KCNN2: variants seen among roughly 807,000 people sequenced by gnomAD.
KCNN2 encodes potassium calcium-activated channel subfamily N member 2.
A neutral mutation model predicts 55.5 loss-of-function variants in KCNN2; 24 were observed. That is an observed-to-expected ratio of 0.43 (90% CI 0.31 to 0.61). The LOEUF is 0.61. Among genes scored for constraint, KCNN2 ranks in the 20% least tolerant of loss-of-function variants. The pLI is 0.08. For missense variants in KCNN2, 754 were observed against 853.6 expected (o/e 0.88, Z 1.45); for synonymous variants, 431 against 336.1 (o/e 1.28, Z -3.09).
At chr5:114,121,414 C>T (rs1489175349) in intron 1 of KCNN2, among the ~76,000 whole-genome samples, 1 of 152,128 alleles carries the variant, frequency 6.6e-6, no homozygotes, top group Non-Finnish European at 1.5e-5. Flanking sequence ...AGGATGAGCT[C>T]AGGGCCCTGC....
Position 114,495,988 on chromosome 5 carries a change from A to G in KCNN2, c.2182A>G (p.Thr728Ala), listed in dbSNP as rs767293355. The G allele has an allele frequency of 1.9e-6, 3 of 1,613,942 alleles. No individual in the cohort carries two copies. The highest frequency in any genetic ancestry group is 1.6e-4 in the Middle Eastern group (1 of 6,084). Residue 728 changes from threonine (T) to alanine (A), a missense_variant, in exon 8 of 8, where the codon ACT (threonine) becomes GCT (alanine). Transcript: ENST00000673685. ...RIVTLETKLE[T>A]LIGSIHALPG... ...TGTTACCCTGGAAACAAAACTAGAG[A>G]CTTTGATTGGTAGCATCCACGCCCT... is the stretch of plus-strand genomic sequence containing the variant.
At chr5:114,480,708 C>T (rs965916352) in intron 5 of KCNN2, among the ~76,000 whole-genome samples, 22 of 152,096 alleles carry the variant, frequency 1.4e-4, no homozygotes, top group Non-Finnish European at 2.9e-4. Context: ...AAGATTGGTT[C>T]AACATATGCA....
intron 2 of KCNN2, among the ~76,000 whole-genome samples, chr5:114,322,355 A>C (rs1423445985): frequency 6.6e-6 from 1 of 152,228 alleles, no homozygotes; most frequent in African/African-American, 2.4e-5. Context: ...ACTAAAAACT[A>C]GGATTTTTCT....
chr5:114,260,446 A>G (rs755484075), intron 2 of KCNN2, among the ~76,000 whole-genome samples: 1 of 152,048 alleles, frequency 6.6e-6, no homozygotes, highest in Non-Finnish European at 1.5e-5. Context: ...CTTCTTATCA[A>G]TCAGGTCCAA....
intron 2 of KCNN2, among the ~76,000 whole-genome samples, chr5:114,223,161 G>A (rs944015040): frequency 6.6e-6 from 1 of 152,048 alleles, no homozygotes; most frequent in African/African-American, 2.4e-5. Flanking sequence ...CAATACCTGG[G>A]CACAAATACA....
intron 1 of KCNN2, among the ~76,000 whole-genome samples, chr5:114,139,285 A>C (rs1187278736): frequency 6.6e-6 from 1 of 152,044 alleles, no homozygotes; most frequent in African/African-American, 2.4e-5. Flanking sequence ...CATAAGAATA[A>C]ATGATTTGAT....
At chr5:114,117,231 T>C (rs775882761) in intron 1 of KCNN2, among the ~76,000 whole-genome samples, 3 of 152,190 alleles carry the variant, frequency 2.0e-5, no homozygotes, top group Non-Finnish European at 4.4e-5. Flanking sequence ...TGGCCACTTT[T>C]ATACCTGCAT....
chr5:114,275,280 T>A (rs191856893), intron 2 of KCNN2, among the ~76,000 whole-genome samples: 1 of 152,336 alleles, frequency 6.6e-6, no homozygotes, highest in East Asian at 1.9e-4. Flanking sequence ...ATCAGGGATA[T>A]TGGCCTAAAA....
At chr5:114,469,375 C>A (rs927710147) in intron 4 of KCNN2, among the ~76,000 whole-genome samples, 1 of 152,138 alleles carries the variant, frequency 6.6e-6, no homozygotes, top group Non-Finnish European at 1.5e-5. Flanking sequence ...CCTAAATACA[C>A]TGTATTTTCT....
At position 114,269,189 on chromosome 5, in the gene KCNN2, C is replaced by G. The variant is rs143286731; in HGVS notation, c.-185+47624C>G. 1.7e-3 allele frequency among the ~76,000 whole-genome samples: 258 copies of G among 152,222 alleles called. 1 individual carries two copies. Among genetic ancestry groups the G allele is most frequent in the African/African-American group, 5.6e-3 (234 of 41,540 alleles). ...ATGCTGTATTCTATAAGTGTACCAACTAGGTTTCAAATACACAGTTTCCTA... is the reference window on the plus strand; with the variant it reads ...ATGCTGTATTCTATAAGTGTACCAAGTAGGTTTCAAATACACAGTTTCCTA... On this transcript the variant is annotated intron_variant, in intron 2 of 10. Coordinates refer to the KCNN2 transcript ENST00000512097.
intron 3 of KCNN2, among the ~76,000 whole-genome samples, chr5:114,406,397 G>C: frequency 6.6e-6 from 1 of 150,666 alleles, no homozygotes; most frequent in African/African-American, 2.4e-5. Flanking sequence ...CCAAAAAAGT[G>C]ATTTTTATCT....
intron 3 of KCNN2, among the ~76,000 whole-genome samples, chr5:114,441,178 C>A (rs906630032): frequency 1.3e-5 from 2 of 151,890 alleles, no homozygotes; most frequent in Non-Finnish European, 2.9e-5. Flanking sequence ...AATTATATAG[C>A]CTCAAAATAT....
At position 114,404,569 on chromosome 5, in the gene KCNN2, G is replaced by C. The variant is rs368102188; in HGVS notation, c.1350G>C (p.Thr450=). The part of the protein sequence containing the change: ...PIPGNYTFTW[T]ARLAFSYAPS... Reference sequence around the variant, plus strand: ...CTGGGAATTATACATTCACATGGACGGCCCGGCTTGCCTTCTCCTATGCCC... The same window carrying C: ...CTGGGAATTATACATTCACATGGACCGCCCGGCTTGCCTTCTCCTATGCCC... Residue 450 remains threonine, a synonymous_variant, in exon 3 of 8, where the codon ACG becomes ACC. Coordinates refer to ENST00000673685, the MANE Select transcript of KCNN2 (RefSeq NM_021614.4). The C allele has an allele frequency of 3.1e-6, 5 of 1,613,564 alleles. No individual in the cohort carries two copies. The highest frequency in any genetic ancestry group is 1.3e-5 in the African/African-American group (1 of 74,840).
At chr5:114,322,609 A>G in intron 2 of KCNN2, among the ~76,000 whole-genome samples, 1 of 151,946 alleles carries the variant, frequency 6.6e-6, no homozygotes, top group East Asian at 1.9e-4. Flanking sequence ...ACACACATAC[A>G]CACTTGATTC....
intron 2 of KCNN2, among the ~76,000 whole-genome samples, chr5:114,288,711 G>T (rs557165167): frequency 6.6e-6 from 1 of 151,880 alleles, no homozygotes; most frequent in South Asian, 2.1e-4. Flanking sequence ...TTTTTTAATT[G>T]CATTGTCTTT....
chr5:114,139,466 C>CCA (rs55685168), intron 1 of KCNN2, among the ~76,000 whole-genome samples: 1 of 149,668 alleles, frequency 6.7e-6, no homozygotes, highest in East Asian at 1.9e-4. Context: ...ACCACCCCCC[C>CCA]CACACACACA....
intron 2 of KCNN2, among the ~76,000 whole-genome samples, chr5:114,349,865 C>T (rs749872847): frequency 1.3e-5 from 2 of 152,002 alleles, no homozygotes; most frequent in African/African-American, 2.4e-5. Flanking sequence ...TACATTCCCA[C>T]GAGCAGTGTG....
At chr5:114,263,595 T>C (rs990687884) in intron 2 of KCNN2, among the ~76,000 whole-genome samples, 6 of 152,174 alleles carry the variant, frequency 3.9e-5, no homozygotes, top group Non-Finnish European at 7.4e-5. Context: ...GGCAGTATGA[T>C]CTAAAAGTAA....
intron 1 of KCNN2, among the ~76,000 whole-genome samples, chr5:114,136,958 C>T (rs1006650279): frequency 6.6e-6 from 1 of 152,112 alleles, no homozygotes; most frequent in Non-Finnish European, 1.5e-5. Flanking sequence ...GCATAACAGC[C>T]GTGTTTGACT....
Sources: gnomAD v4.1 joint callset for allele counts (sites outside exome capture counted in the v4.1 genomes callset) on GRCh38, gnomAD v4.1.1 for gene constraint, MANE v1.5 for transcripts, NCBI Gene and HGNC (gene_info 2026-07-23, HGNC 2026-07-21) for gene names.